ATP2B2: variants seen among roughly 807,000 people sequenced by gnomAD.
ATP2B2 encodes plasma membrane calcium-transporting ATPase 2.
In ATP2B2, 15 loss-of-function variants were observed where a neutral mutation model predicts 120.0. That is an observed-to-expected ratio of 0.12 (90% CI 0.08 to 0.19). The LOEUF (loss-of-function observed/expected upper bound fraction) is 0.19, where lower values mean the gene tolerates loss of function less well. ATP2B2 is among the 10% of genes least tolerant of loss of function. ATP2B2 has a pLI of 1.00. For missense variants in ATP2B2, 1,045 were observed against 1,719.8 expected (o/e 0.61, Z 6.94); for synonymous variants, 694 against 700.3 (o/e 0.99, Z 0.14).
Position 10,350,383 on chromosome 3 carries a change from C to T in ATP2B2, c.2316+15G>A, listed in dbSNP as rs565058064. ...AGCGCGTTCCCCTGAGGATGCTTTA[C>T]GTTGGGACACGCACCTCCCCCTTCT... On this transcript the variant is annotated intron_variant, in intron 15 of 22. Transcript: ENST00000360273. The T allele has an allele frequency of 2.4e-4, 380 of 1,614,212 alleles. 1 individual carries two copies. Among genetic ancestry groups the T allele is most frequent in the Middle Eastern group, 4.9e-4 (3 of 6,062 alleles).
intron 8 of ATP2B2, 131 bp from the exon 9 acceptor site, chr3:10,379,415 G>A (rs545258758): frequency 1.9e-6 from 2 of 1,045,240 alleles, no homozygotes; most frequent in South Asian, 2.7e-5. Context: ...ATCCCTCTGT[G>A]TGGGGATACG....
chr3:10,464,954 C>T (rs1386774083), intron 1 of ATP2B2, among the ~76,000 whole-genome samples: 1 of 152,242 alleles, frequency 6.6e-6, no homozygotes, highest in African/African-American at 2.4e-5. Context: ...TGCCACCCAC[C>T]TCTACCCCAG....
At chr3:10,544,456 T>C (rs1316638728) in intron 2 of ATP2B2, among the ~76,000 whole-genome samples, 1 of 152,132 alleles carries the variant, frequency 6.6e-6, no homozygotes, top group Non-Finnish European at 1.5e-5. Flanking sequence ...AGCAGAACCT[T>C]TTGCCTTGAT....
chr3:10,475,107 G>A (rs1342479859), intron 1 of ATP2B2, among the ~76,000 whole-genome samples: 3 of 152,242 alleles, frequency 2.0e-5, no homozygotes, highest in African/African-American at 4.8e-5. Flanking sequence ...GGAGGTGAGC[G>A]GGCGTCAGCA....
chr3:10,547,420 A>G lies in ATP2B2; in HGVS notation c.-414-13287T>C, dbSNP rs556224771. On this transcript the variant is annotated intron_variant, in intron 2 of 21. Transcript: ENST00000646379. ...TCCTGGCCCTTGAGGATTTGACCACACGCAACAGGGAGAAAGGATTCTTAG... is the reference window on the plus strand; with the variant it reads ...TCCTGGCCCTTGAGGATTTGACCACGCGCAACAGGGAGAAAGGATTCTTAG... Among the ~76,000 whole-genome samples the G allele has an allele frequency of 3.9e-5, 6 of 152,270 alleles. No individual in the cohort carries two copies. The South Asian group carries it at 1.2e-3, about 32-fold the overall frequency.
upstream of ATP2B2, among the ~76,000 whole-genome samples, chr3:10,510,130 T>C (rs769972918): frequency 6.6e-6 from 1 of 152,150 alleles, no homozygotes; most frequent in Non-Finnish European, 1.5e-5. Flanking sequence ...GTCTCTAGTC[T>C]ATTGAGATTT....
At chr3:10,532,090 A>T (rs1413244889) in intron 3 of ATP2B2, among the ~76,000 whole-genome samples, 1 of 151,534 alleles carries the variant, frequency 6.6e-6, no homozygotes, top group Non-Finnish European at 1.5e-5. Context: ...TTTCTCAAAC[A>T]TTGATCGGAC....
intron 2 of ATP2B2, among the ~76,000 whole-genome samples, chr3:10,439,533 G>A (rs1245706728): frequency 6.6e-6 from 1 of 152,200 alleles, no homozygotes; most frequent in East Asian, 1.9e-4. Flanking sequence ...GTGGCCCCTG[G>A]AAGCCAGACA....
chr3:10,565,015 G>A (rs2067981203), intron 2 of ATP2B2, among the ~76,000 whole-genome samples: 1 of 152,128 alleles, frequency 6.6e-6, no homozygotes, highest in African/African-American at 2.4e-5. Flanking sequence ...GTCACTTCTA[G>A]GACTTGACTT....
intron 5 of ATP2B2, chr3:10,394,666 C>G (rs1365473149): frequency 4.9e-6 from 2 of 405,920 alleles, no homozygotes; most frequent in Non-Finnish European, 1.1e-5. Flanking sequence ...TGGCCTTCTG[C>G]TTGGTGGGGT....
intron 1 of ATP2B2, among the ~76,000 whole-genome samples, chr3:10,694,288 A>G (rs2071710321): frequency 6.6e-6 from 1 of 151,378 alleles, no homozygotes; most frequent in Non-Finnish European, 1.5e-5. Context: ...TCACCACAAG[A>G]CTCCTTCGTA....
intron 2 of ATP2B2, among the ~76,000 whole-genome samples, chr3:10,591,005 T>G (rs2125577228): frequency 6.6e-6 from 1 of 152,076 alleles, no homozygotes; most frequent in Non-Finnish European, 1.5e-5. Context: ...TGTAGGTATG[T>G]GAGCTTATAA....
chr3:10,534,550 C>T (rs1178115466), intron 2 of ATP2B2, among the ~76,000 whole-genome samples: 2 of 152,218 alleles, frequency 1.3e-5, no homozygotes, highest in Non-Finnish European at 2.9e-5. Flanking sequence ...GCTGGATCTT[C>T]ATAAGATGCC....
intron 2 of ATP2B2, among the ~76,000 whole-genome samples, chr3:10,564,612 T>A (rs1400871742): frequency 6.6e-6 from 1 of 152,190 alleles, no homozygotes; most frequent in Non-Finnish European, 1.5e-5. Context: ...ATGTCCCTGA[T>A]CTCTTCCACT....
Position 10,327,824 on chromosome 3 carries a change from C to G in ATP2B2, c.*990G>C, listed in dbSNP as rs2059884826. On this transcript the variant is annotated 3_prime_UTR_variant, in exon 23 of 23. Transcript: ENST00000360273. ...CAACTCGGTAGCATTTGGCTTCTGCCTGAGCCTCTCACGGTAGTGACATTA... is the reference window on the plus strand; with the variant it reads ...CAACTCGGTAGCATTTGGCTTCTGCGTGAGCCTCTCACGGTAGTGACATTA... The G allele has an allele frequency of 6.6e-6, 1 of 152,658 alleles. No individual in the cohort carries two copies. The highest frequency in any genetic ancestry group is 2.1e-4 in the South Asian group (1 of 4,836). The allele number at this position is 152,658 out of a possible 1,614,324, so 9.5% of individuals were successfully genotyped here. A position where few individuals can be genotyped will look rare whatever the true frequency, so the allele number is the denominator to read the frequency against.
chr3:10,488,234 T>TCC (rs1559402222), intron 1 of ATP2B2, among the ~76,000 whole-genome samples: 4,968 of 107,228 alleles, frequency 0.046, 157 homozygotes, highest in African/African-American at 0.058. Context: ...CTCATCCACC[T>TCC]ATCCATCCAT....
chr3:10,630,614 A>C (rs2069835899), intron 1 of ATP2B2, among the ~76,000 whole-genome samples: 1 of 152,188 alleles, frequency 6.6e-6, no homozygotes, highest in African/African-American at 2.4e-5. Context: ...GCTATTGGGT[A>C]ACACAGCTTT....
chr3:10,430,991 G>C (rs1360321829), intron 2 of ATP2B2, among the ~76,000 whole-genome samples: 1 of 151,774 alleles, frequency 6.6e-6, no homozygotes, highest in Non-Finnish European at 1.5e-5. Context: ...AAAGAGGTGG[G>C]AGAAGGGATA....
In ATP2B2 at chr3:10,385,341, G is replaced by T. The variant is rs1276309942; in HGVS notation, c.941-14C>A. ...CACCGTCTGCTGCTGCAGGGGGGTG[G>T]GAGGGATGGAAAATGCAGTGTCACA... is the stretch of plus-strand genomic sequence containing the variant. On this transcript the variant is annotated splice_polypyrimidine_tract_variant and intron_variant, in intron 7 of 22. Transcript: ENST00000360273. 2 of 1,612,934 alleles carry T rather than the reference G, an allele frequency of 1.2e-6. No homozygotes were observed. The highest frequency in any genetic ancestry group is 1.7e-6 in the Non-Finnish European group (2 of 1,179,592).
Sources: allele counts gnomAD v4.1 joint callset (sites outside exome capture counted in the v4.1 genomes callset), GRCh38; gene constraint gnomAD v4.1.1; transcripts MANE v1.5; gene names NCBI Gene and HGNC (gene_info 2026-07-23, HGNC 2026-07-21).